ELN: variants seen among roughly 807,000 people sequenced by gnomAD.
ELN encodes elastin, also known as tropoelastin.
ELN carries 65 observed loss-of-function variants against 105.8 expected under a neutral mutation model. That is an observed-to-expected ratio of 0.61 (90% confidence interval 0.50 to 0.75). The LOEUF (loss-of-function observed/expected upper bound fraction) is 0.75, where lower values mean the gene tolerates loss of function less well. ELN is among the 30% of genes least tolerant of loss of function. The pLI is 0.00. For missense variants in ELN, 882 were observed against 969.4 expected, an observed-to-expected ratio of 0.91 and a Z score of 1.20; for synonymous variants, 368 against 389.2, an observed-to-expected ratio of 0.95 and a Z score of 0.64.
chr7:74,029,465 T>C (rs369604498), intron 1 of ELN, among the ~76,000 whole-genome samples: 1 of 150,776 alleles, frequency 6.6e-6, no homozygotes, highest in East Asian at 2.0e-4. Flanking sequence ...GGGCATTTGG[T>C]AGGGGGGTCT....
chr7:74,069,505 A>C lies in ELN; in HGVS notation c.*805A>C, dbSNP rs1554691154. ...TCCCCCAGGGCGTGCGGGGCTGTGCAGACTGGGGTGCCAGGCATCTCCTCC... is the reference window on the plus strand; with the variant it reads ...TCCCCCAGGGCGTGCGGGGCTGTGCCGACTGGGGTGCCAGGCATCTCCTCC... On this transcript the variant is annotated 3_prime_UTR_variant, in exon 33 of 33. Coordinates refer to ENST00000252034, the MANE Select transcript of ELN (RefSeq NM_000501.4). 1 of 234,148 alleles carries C rather than the reference A, an allele frequency of 4.3e-6. No homozygotes were observed. The highest frequency in any genetic ancestry group is 2.2e-5 in the African/African-American group (1 of 45,296). 14.5% of individuals were successfully genotyped at this position (234,148 alleles called of 1,614,324 possible). A position where few individuals can be genotyped will look rare whatever the true frequency, so the allele number is the denominator to read the frequency against.
chr7:74,047,285 G>A (rs782173793), intron 12 of ELN, among the ~76,000 whole-genome samples: 9 of 152,104 alleles, frequency 5.9e-5, no homozygotes, highest in African/African-American at 1.2e-4. Context: ...CCATAGTCCC[G>A]ATCTGAAGCT....
chr7:74,066,874 C>A, intron 32 of ELN, 98 bp downstream of exon 32: 2 of 1,355,440 alleles, frequency 1.5e-6, no homozygotes, highest in Non-Finnish European at 2.1e-6. Context: ...GCTGAGCCAG[C>A]ACCCAGGGGT....
intron 14 of ELN, 111 bp from the exon 15 acceptor site, chr7:74,048,392 C>T: frequency 6.5e-7 from 1 of 1,547,666 alleles, no homozygotes; most frequent in South Asian, 1.1e-5. Flanking sequence ...CTGAAGCTCC[C>T]ATGTATACCC....
chr7:74,043,229 G>A lies in ELN; in HGVS notation c.427+61G>A, dbSNP rs1168570527. 6 of 1,550,166 alleles carry A rather than the reference G, an allele frequency of 3.9e-6. No individual in the cohort carries two copies. In the African/African-American group the frequency reaches 8.2e-5, roughly 21 times the overall value. ...GCAGGGAGGGGCAGAGGGCAGGGAG[G>A]AACAGAGCCCTCTCCATGCCACTGC... On this transcript the variant is annotated intron_variant, in intron 8 of 32. Transcript: ENST00000252034.
Position 74,057,432 on chromosome 7 carries a change from G to A in ELN, c.1358-208G>A, listed in dbSNP as rs4464848. Reference sequence around the variant, plus strand: ...TGGGCTAGTGCCAGGTGCCCCAGGCGCAGTCCCAGGTGTGCCGGGCACGGG... The same window carrying A: ...TGGGCTAGTGCCAGGTGCCCCAGGCACAGTCCCAGGTGTGCCGGGCACGGG... On this transcript the variant is annotated intron_variant, in intron 21 of 32. Transcript: ENST00000252034. The A allele has an allele frequency of 4.6e-6, 7 of 1,522,890 alleles. No homozygotes were observed. The highest frequency in any genetic ancestry group is 2.1e-5 in the Admixed American group (1 of 47,688). The allele number at this position is 1,522,890 out of a possible 1,614,324, so 94.3% of individuals were successfully genotyped here.
chr7:74,035,314 G>A, intron 1 of ELN, 50 bp from the exon 2 acceptor site: 1 of 1,608,034 alleles, frequency 6.2e-7, no homozygotes, highest in Non-Finnish European at 8.5e-7. Context: ...TTTTGCACCA[G>A]CCTAATAGTT....
At chr7:74,034,577 C>A (rs1292569989) in intron 1 of ELN, among the ~76,000 whole-genome samples, 1 of 152,134 alleles carries the variant, frequency 6.6e-6, no homozygotes, top group Non-Finnish European at 1.5e-5. Flanking sequence ...TGGAGGTGCA[C>A]GCCTGTAGTC....
At chr7:74,065,412 C>T (rs1210953010) in intron 29 of ELN, among the ~76,000 whole-genome samples, 1 of 151,734 alleles carries the variant, frequency 6.6e-6, no homozygotes, top group Admixed American at 6.6e-5. Context: ...GTCAGGAGTT[C>T]GCGACCAGCC....
At position 74,061,156 on chromosome 7, in the gene ELN, A is replaced by G; in HGVS notation, c.1786+17A>G. The G allele has an allele frequency of 6.2e-7, 1 of 1,613,996 alleles. No homozygotes were observed. The highest frequency in any genetic ancestry group is 1.3e-5 in the African/African-American group (1 of 75,042). ...CCAAATATGGTGAGTGCACCCCACA[A>G]CCACTTGTGGCTCCCTTGCCACCAC... On this transcript the variant is annotated intron_variant, in intron 26 of 32. Transcript: ENST00000252034.
chr7:74,038,043 G>A, intron 4 of ELN: 3 of 430,322 alleles, frequency 7.0e-6, no homozygotes, highest in Non-Finnish European at 1.3e-5. Flanking sequence ...TCTCTGCAAA[G>A]GAGAGGCTGT....
rs1489254351 is a variant in ELN, at chr7:74,069,452, G to C, written c.*752G>C. 1 of 235,352 alleles carries C rather than the reference G, an allele frequency of 4.2e-6. No homozygotes were observed. The highest frequency in any genetic ancestry group is 2.2e-5 in the African/African-American group (1 of 45,318). 14.6% of individuals were successfully genotyped at this position (235,352 alleles called of 1,614,324 possible). A position where few individuals can be genotyped will look rare whatever the true frequency, so the allele number is the denominator to read the frequency against. ...CCTGGTTGACCTGTCATGGCCGCCT[G>C]TGCCCTGCCTCCACCCCCATCCTAC... On this transcript the variant is annotated 3_prime_UTR_variant, in exon 33 of 33. Coordinates refer to ENST00000252034, the MANE Select transcript of ELN (RefSeq NM_000501.4).
chr7:74,036,696 C>A, intron 3 of ELN, 112 bp downstream of exon 3: 1 of 1,458,390 alleles, frequency 6.9e-7, no homozygotes, highest in Non-Finnish European at 9.6e-7. Context: ...AGGACTCCCT[C>A]ATTTCACAGA....
At chr7:74,046,257 G>C (rs781849191) in intron 11 of ELN, 40 bp downstream of exon 11, 5 of 1,614,042 alleles carry the variant, frequency 3.1e-6, no homozygotes, top group Non-Finnish European at 4.2e-6. Flanking sequence ...TGGCCAGCCA[G>C]GCAGAGGCTC....
rs150248865 is a variant in ELN at position 74,060,394 on chromosome 7, G to C, written c.1640G>C (p.Gly547Ala). 3 of 1,614,168 alleles carry C rather than the reference G, an allele frequency of 1.9e-6. No individual in the cohort carries two copies. In the East Asian group the frequency reaches 6.7e-5, roughly 36 times the overall value. The change falls in exon 25 of 33, where the codon GGT becomes GCT. Residue 547 changes from glycine (G) to alanine (A), a missense_variant. Transcript: ENST00000252034. ...TCTGCAGGAGCTGCAGCTGGGCTTG[G>C]TGCTGGCATCCCTGGACTTGGAGTT... Reference protein sequence around the residue: ...KAQLRAAAGLGAGIPGLGVGV... With the variant: ...KAQLRAAAGLAAGIPGLGVGV...
At chr7:74,058,931 T>C (rs1435609472) in intron 22 of ELN, among the ~76,000 whole-genome samples, 4 of 152,108 alleles carry the variant, frequency 2.6e-5, no homozygotes, top group African/African-American at 9.7e-5. Context: ...TCTTTATTAT[T>C]TATTTATTTG....
Position 74,069,121 on chromosome 7 carries a change from TC to T in ELN, c.*426del. On this transcript the variant is annotated 3_prime_UTR_variant, in exon 33 of 33. Transcript: ENST00000252034. ...CAGACACTTCCTGGGCAGTCCCAGC[TC>T]CCCCTGCCCACCAGGACCCACCGTT... 3.1e-6 allele frequency: 1 copy of T among 322,398 alleles called. No homozygotes were observed. The highest frequency in any genetic ancestry group is 4.9e-5 in the South Asian group (1 of 20,232). 20.0% of individuals were successfully genotyped at this position (322,398 alleles called of 1,614,324 possible).
rs372876918 is a variant in ELN at position 74,061,174 on chromosome 7, G to A, written c.1786+35G>A. ...CCCCACAACCACTTGTGGCTCCCTTGCCACCACACCATCCCTGACAGCACA... is the reference window on the plus strand; with the variant it reads ...CCCCACAACCACTTGTGGCTCCCTTACCACCACACCATCCCTGACAGCACA... On this transcript the variant is annotated intron_variant, in intron 26 of 32. Coordinates refer to ENST00000252034, the MANE Select transcript of ELN (RefSeq NM_000501.4). 2.9e-5 allele frequency: 47 copies of A among 1,613,776 alleles called. No individual in the cohort carries two copies. The African/African-American group carries it at 4.8e-4, about 16-fold the overall frequency.
intron 18 of ELN, 101 bp downstream of exon 18, chr7:74,053,410 CACCATA>C: frequency 1.3e-6 from 2 of 1,542,226 alleles, no homozygotes; most frequent in South Asian, 2.4e-5. Flanking sequence ...TTCTCCCTAA[CACCATA>C]ACCATCTGCC....
Sources: gnomAD v4.1 joint callset for allele counts (sites outside exome capture counted in the v4.1 genomes callset) on GRCh38, gnomAD v4.1.1 for gene constraint, MANE v1.5 for transcripts, NCBI Gene and HGNC (gene_info 2026-07-23, HGNC 2026-07-21) for gene names.